The following GOLM1 variants were observed in gnomAD, a reference collection of about 807,000 sequenced individuals.
GOLM1 encodes the protein epididymis luminal protein 46.
GOLM1 carries 31 observed loss-of-function variants against 50.5 expected under a neutral mutation model. The ratio of observed to expected loss-of-function variants is 0.61; its 90% CI spans 0.46 to 0.83. The LOEUF is 0.83. Among genes scored for constraint, GOLM1 ranks in the 40% least tolerant of loss-of-function variants. GOLM1 has a pLI of 0.00. For missense variants in GOLM1, 491 were observed against 501.3 expected (o/e 0.98, Z 0.20); for synonymous variants, 178 against 192.8 (o/e 0.92, Z 0.64).
intron 1 of GOLM1, among the ~76,000 whole-genome samples, chr9:86,085,940 T>A (rs1180072132): frequency 6.6e-6 from 1 of 152,224 alleles, no homozygotes; most frequent in African/African-American, 2.4e-5. Flanking sequence ...TAAACATACG[T>A]GTGCATGTGT....
chr9:86,081,177 T>C (rs1834771020), intron 1 of GOLM1, among the ~76,000 whole-genome samples: 1 of 150,960 alleles, frequency 6.6e-6, no homozygotes, highest in African/African-American at 2.4e-5. Context: ...TATGAGCCAG[T>C]GCACCCAGCC....
chr9:86,031,986 C>T (rs1234135345), intron 9 of GOLM1, among the ~76,000 whole-genome samples: 1 of 147,524 alleles, frequency 6.8e-6, no homozygotes, highest in Non-Finnish European at 1.5e-5. Flanking sequence ...ATGAAAGAAC[C>T]AAAGAACACA....
intron 6 of GOLM1, among the ~76,000 whole-genome samples, chr9:86,038,398 T>G (rs1185341516): frequency 6.6e-6 from 1 of 152,054 alleles, no homozygotes; most frequent in African/African-American, 2.4e-5. Context: ...GAGGAGCGCA[T>G]TACCCAGAGC....
In GOLM1 at chr9:86,027,528, C is replaced by CAAA; in HGVS notation, c.*288_*289insTTT. ...CAGAATCAGGAAGCCCCGCTGTCGC[C>CAAA]AACACTTGAAGGAGAACTATGTTCC... On this transcript the variant is annotated 3_prime_UTR_variant, in exon 10 of 10. Coordinates refer to ENST00000388712, the MANE Select transcript of GOLM1 (RefSeq NM_016548.4). 8.3e-7 allele frequency: 1 copy of CAAA among 1,200,670 alleles called. No homozygotes were observed. Among genetic ancestry groups the CAAA allele is most frequent in the African/African-American group, 1.6e-5 (1 of 62,850 alleles). The allele number at this position is 1,200,670 out of a possible 1,614,324, so 74.4% of individuals were successfully genotyped here.
intron 3 of GOLM1, among the ~76,000 whole-genome samples, chr9:86,061,735 C>T (rs1262310005): frequency 6.6e-6 from 1 of 152,110 alleles, no homozygotes; most frequent in Non-Finnish European, 1.5e-5. Context: ...AAGTGGGAAC[C>T]CAAATATGGG....
intron 3 of GOLM1, among the ~76,000 whole-genome samples, chr9:86,067,818 T>C (rs7871943): frequency 0.36 from 54,947 of 151,828 alleles, 12,944 homozygotes; most frequent in African/African-American, 0.66. Flanking sequence ...GCCTAGCCAA[T>C]GTGGTGAAAC....
chr9:86,031,925 CAAAAAAAAAA>C (rs1043805404), intron 9 of GOLM1, among the ~76,000 whole-genome samples: 1 of 36,054 alleles, frequency 2.8e-5, no homozygotes, highest in Non-Finnish European at 5.7e-5. Context: ...GACTCCATCT[CAAAAAAAAAA>C]AAAAAAAAAA....
intron 9 of GOLM1, 115 bp from the exon 10 acceptor site, chr9:86,028,008 C>T: frequency 1.6e-6 from 1 of 623,136 alleles, no homozygotes; most frequent in Non-Finnish European, 2.8e-6. Flanking sequence ...CTGCATCTCC[C>T]ACAGCAACAC....
chr9:86,075,255 T>C lies in GOLM1; in HGVS notation c.309+2157A>G, dbSNP rs79510931. Among the ~76,000 whole-genome samples, 758 of 152,350 alleles carry C rather than the reference T, an allele frequency of 5.0e-3. 6 individuals carry two copies. The highest frequency in any genetic ancestry group is 0.017 in the African/African-American group (707 of 41,580). ...CTGCTCAGTTTATGATATTTTGTTA[T>C]AGCAGCCTTAAACAGACTAAGACAA... On this transcript the variant is annotated intron_variant, in intron 3 of 9. Coordinates refer to ENST00000388712, the MANE Select transcript of GOLM1 (RefSeq NM_016548.4).
chr9:86,077,143 A>G (rs1265182329), intron 3 of GOLM1, among the ~76,000 whole-genome samples: 2 of 152,094 alleles, frequency 1.3e-5, no homozygotes, highest in Admixed American at 1.3e-4. Flanking sequence ...ACCCAATAGG[A>G]GAAAAAAAAA....
chr9:86,076,816 C>T (rs1278395068), intron 3 of GOLM1, among the ~76,000 whole-genome samples: 1 of 151,444 alleles, frequency 6.6e-6, no homozygotes, highest in Admixed American at 6.6e-5. Flanking sequence ...CAAGATTGCA[C>T]CATTGCACTC....
chr9:86,085,273 T>C (rs1212269797), intron 1 of GOLM1, among the ~76,000 whole-genome samples: 1 of 152,192 alleles, frequency 6.6e-6, no homozygotes, highest in Non-Finnish European at 1.5e-5. Flanking sequence ...TGCATGTTCA[T>C]TTTGGTGAAA....
intron 3 of GOLM1, among the ~76,000 whole-genome samples, chr9:86,062,308 G>C (rs1260536593): frequency 6.6e-6 from 1 of 152,094 alleles, no homozygotes; most frequent in Non-Finnish European, 1.5e-5. Flanking sequence ...TTGATGGCGA[G>C]GGGGCCTGAA....
chr9:86,057,466 G>A (rs1834025818), intron 3 of GOLM1, among the ~76,000 whole-genome samples: 1 of 152,130 alleles, frequency 6.6e-6, no homozygotes, highest in Non-Finnish European at 1.5e-5. Flanking sequence ...TGAGAGGAGT[G>A]TTTGGGAGGA....
At chr9:86,054,259 C>T (rs915682856) in intron 3 of GOLM1, among the ~76,000 whole-genome samples, 2 of 151,534 alleles carry the variant, frequency 1.3e-5, no homozygotes, top group Non-Finnish European at 1.5e-5. Context: ...CATCTACTCA[C>T]TCATTGACTT....
chr9:86,085,457 T>G (rs901506126), intron 1 of GOLM1, among the ~76,000 whole-genome samples: 11 of 150,990 alleles, frequency 7.3e-5, no homozygotes, highest in Admixed American at 1.3e-4. Context: ...GTTTTTGTTT[T>G]TTTTTTTTTT....
rs1212037130 is a variant in GOLM1, at chr9:86,032,401, C to T, written c.1129+881G>A. The stretch of plus-strand genomic sequence containing the variant: ...CCAGGATGGTCTCAATCTCTTGACC[C>T]GCTGATCTGCCTGCCTTGGTCTCCC... On this transcript the variant is annotated intron_variant, in intron 9 of 9. Transcript: ENST00000388712. Among the ~76,000 whole-genome samples the T allele has an allele frequency of 5.3e-5, 8 of 152,020 alleles. No individual in the cohort carries two copies. In the East Asian group the frequency reaches 7.7e-4, roughly 15 times the overall value.
chr9:86,056,087 A>C (rs1320644469), intron 3 of GOLM1, among the ~76,000 whole-genome samples: 2 of 151,886 alleles, frequency 1.3e-5, no homozygotes, highest in African/African-American at 4.8e-5. Flanking sequence ...ATTTCTATGA[A>C]AATTATGGCA....
chr9:86,058,763 G>A (rs12377104), intron 3 of GOLM1, among the ~76,000 whole-genome samples: 16,130 of 150,704 alleles, frequency 0.11, 1,328 homozygotes, highest in East Asian at 0.5. Context: ...TTGGAAGTCC[G>A]AGGCGGGCGG....
Sources: gnomAD v4.1 joint callset for allele counts (sites outside exome capture counted in the v4.1 genomes callset) on GRCh38, gnomAD v4.1.1 for gene constraint, MANE v1.5 for transcripts, NCBI Gene and HGNC (gene_info 2026-07-23, HGNC 2026-07-21) for gene names.